The following DNER variants were observed in gnomAD, a reference collection of about 807,000 sequenced individuals.
DNER encodes the protein delta/notch like EGF repeat containing, also known as delta and Notch-like epidermal growth factor-related receptor.
DNER carries 33 observed loss-of-function variants against 78.2 expected under a neutral mutation model. That is an observed-to-expected ratio of 0.42 (90% CI 0.32 to 0.56). The LOEUF (loss-of-function observed/expected upper bound fraction) is 0.56, where lower values mean the gene tolerates loss of function less well. Ranked by LOEUF, DNER falls within the 20% of genes least tolerant of loss-of-function variation. The pLI is 0.11. For missense variants in DNER, 918 were observed against 975.3 expected, an observed-to-expected ratio of 0.94 and a Z score of 0.78; for synonymous variants, 417 against 384.8, an observed-to-expected ratio of 1.08 and a Z score of -0.98.
At chr2:229,458,059 C>A (rs1239751156) in intron 7 of DNER, among the ~76,000 whole-genome samples, 1 of 132,182 alleles carries the variant, frequency 7.6e-6, no homozygotes, top group Non-Finnish European at 1.5e-5. Context: ...TCGCTTAAAC[C>A]CAGGAGGCAG....
Position 229,623,058 on chromosome 2 carries a change from T to C in DNER, c.277-31170A>G, listed in dbSNP as rs146255601. The stretch of plus-strand genomic sequence containing the variant: ...CTCATCCTTACTCCTCCACCCTAGG[T>C]CTTTCCAGCATGTTTAATCCTCCCT... On this transcript the variant is annotated intron_variant, in intron 1 of 12. Transcript: ENST00000341772. 3.0e-4 allele frequency among the ~76,000 whole-genome samples: 46 copies of C among 152,248 alleles called. No individual in the cohort carries two copies. In the East Asian group the frequency reaches 7.9e-3, roughly 26 times the overall value.
At chr2:229,702,916 C>CAAAAAAAA (rs775005338) in intron 1 of DNER, among the ~76,000 whole-genome samples, 1 of 103,920 alleles carries the variant, frequency 9.6e-6, no homozygotes. Flanking sequence ...GACTCCGCCT[C>CAAAAAAAA]AAAAAAAAAA....
chr2:229,520,414 C>T (rs921584861), intron 5 of DNER, among the ~76,000 whole-genome samples: 5 of 152,172 alleles, frequency 3.3e-5, no homozygotes, highest in Non-Finnish European at 7.3e-5. Context: ...TAAAGGACCC[C>T]CCAGGCCAAT....
At chr2:229,469,473 C>T (rs959608238) in intron 7 of DNER, among the ~76,000 whole-genome samples, 8 of 152,174 alleles carry the variant, frequency 5.3e-5, no homozygotes, top group East Asian at 1.9e-4. Context: ...ATTCTTATAA[C>T]GACCCCTTTA....
chr2:229,511,250 A>G (rs1695858959), intron 6 of DNER, among the ~76,000 whole-genome samples: 1 of 152,184 alleles, frequency 6.6e-6, no homozygotes, highest in Non-Finnish European at 1.5e-5. Context: ...AATGGGATGG[A>G]AAGAGAAAAG....
chr2:229,417,589 G>A (rs533150777), intron 9 of DNER, among the ~76,000 whole-genome samples: 2 of 152,164 alleles, frequency 1.3e-5, no homozygotes, highest in South Asian at 2.1e-4. Flanking sequence ...TTCTCGGGGG[G>A]ATTTAGTGAG....
chr2:229,510,433 G>A (rs769268), intron 6 of DNER, among the ~76,000 whole-genome samples: 52,479 of 152,116 alleles, frequency 0.34, 10,366 homozygotes, highest in Non-Finnish European at 0.44. Flanking sequence ...ATTGTTGGAG[G>A]AACAGCAGGA....
rs998132914 is a variant in DNER, at chr2:229,667,573, G to T, written c.276+46575C>A. 4.6e-5 allele frequency among the ~76,000 whole-genome samples: 7 copies of T among 152,070 alleles called. 1 individual carries two copies. Among genetic ancestry groups the T allele is most frequent in the African/African-American group, 1.7e-4 (7 of 41,416 alleles). Reference sequence around the variant, plus strand: ...TCTTTTTGTTCTTGATGTTTCTTTGGTTTTTTGTTTCCAGAGTTTGGGACC... The same window carrying T: ...TCTTTTTGTTCTTGATGTTTCTTTGTTTTTTTGTTTCCAGAGTTTGGGACC... On this transcript the variant is annotated intron_variant, in intron 1 of 12. Coordinates refer to ENST00000341772, the MANE Select transcript of DNER (RefSeq NM_139072.4).
chr2:229,586,668 G>A (rs1697509029), intron 3 of DNER: 1 of 984,572 alleles, frequency 1.0e-6, no homozygotes, highest in Admixed American at 6.2e-5. Context: ...GCTACTACGA[G>A]CTACCCCAAC....
intron 1 of DNER, among the ~76,000 whole-genome samples, chr2:229,682,012 T>A (rs1249335757): frequency 6.6e-6 from 1 of 152,164 alleles, no homozygotes; most frequent in Non-Finnish European, 1.5e-5. Flanking sequence ...TATTAAAGGT[T>A]TGAATCAAAT....
At chr2:229,588,911 C>T (rs1195822933) in intron 2 of DNER, among the ~76,000 whole-genome samples, 2 of 152,190 alleles carry the variant, frequency 1.3e-5, no homozygotes, top group East Asian at 1.9e-4. Flanking sequence ...AGCCAGCCTT[C>T]GACTTGCAAA....
chr2:229,417,385 T>C (rs1010836799), intron 9 of DNER, among the ~76,000 whole-genome samples: 1 of 152,200 alleles, frequency 6.6e-6, no homozygotes, highest in Admixed American at 6.5e-5. Context: ...CCCGTAGTTA[T>C]GGCTTAGAGA....
intron 9 of DNER, among the ~76,000 whole-genome samples, chr2:229,412,073 T>A (rs1693535365): frequency 6.6e-6 from 1 of 152,254 alleles, no homozygotes; most frequent in Non-Finnish European, 1.5e-5. Flanking sequence ...GTTGATCATT[T>A]CATTGGATCT....
At chr2:229,501,875 T>C (rs1279119393) in intron 6 of DNER, among the ~76,000 whole-genome samples, 1 of 152,202 alleles carries the variant, frequency 6.6e-6, no homozygotes, top group Non-Finnish European at 1.5e-5. Context: ...GGTTCAAGGA[T>C]ATCCAGCAGC....
chr2:229,422,700 C>T (rs562451447), intron 8 of DNER, among the ~76,000 whole-genome samples: 1 of 151,902 alleles, frequency 6.6e-6, no homozygotes, highest in Non-Finnish European at 1.5e-5. Flanking sequence ...GTGTAAATGG[C>T]TTAGAAAGAG....
At chr2:229,618,533 G>A (rs553602808) in intron 1 of DNER, among the ~76,000 whole-genome samples, 6 of 152,240 alleles carry the variant, frequency 3.9e-5, no homozygotes, top group East Asian at 1.9e-4. Context: ...GATGTAGCTC[G>A]CCACGCATCA....
At chr2:229,571,359 T>C (rs948405110) in intron 4 of DNER, among the ~76,000 whole-genome samples, 1 of 151,970 alleles carries the variant, frequency 6.6e-6, no homozygotes, top group Admixed American at 6.6e-5. Context: ...CCCTCTAGGA[T>C]TTGCTTTTCC....
intron 1 of DNER, among the ~76,000 whole-genome samples, chr2:229,613,898 C>T (rs1344476718): frequency 2.6e-5 from 4 of 151,240 alleles, no homozygotes; most frequent in Admixed American, 2.6e-4. Context: ...TTTTTTTAAA[C>T]CATCATTCTC....
At chr2:229,712,790 C>A (rs73097225) in intron 1 of DNER, among the ~76,000 whole-genome samples, 22,621 of 152,118 alleles carry the variant, frequency 0.15, 1,835 homozygotes, top group African/African-American at 0.21. Context: ...CTTCCTCCTC[C>A]TCATCACCTC....
Sources: gnomAD v4.1 joint callset for allele counts (sites outside exome capture counted in the v4.1 genomes callset) on GRCh38, gnomAD v4.1.1 for gene constraint, MANE v1.5 for transcripts, NCBI Gene and HGNC (gene_info 2026-07-23, HGNC 2026-07-21) for gene names.